BCAT1: variants seen among roughly 807,000 people sequenced by gnomAD.
BCAT1 encodes branched-chain-amino-acid aminotransferase, cytosolic.
A neutral mutation model predicts 52.4 loss-of-function variants in BCAT1; 48 were observed. That is an observed-to-expected ratio of 0.92 (90% confidence interval 0.73 to 1.16). The LOEUF is 1.16. Among genes scored for constraint, BCAT1 ranks in the 50% most tolerant of loss-of-function variants. The probability of loss-of-function intolerance (pLI) is 0.00; values close to 1 mark genes in which losing one functional copy is unlikely to be tolerated. For missense variants in BCAT1, 451 were observed against 457.1 expected, an observed-to-expected ratio of 0.99 and a Z score of 0.12; for synonymous variants, 167 against 161.3, an observed-to-expected ratio of 1.04 and a Z score of -0.27.
intron 1 of BCAT1, among the ~76,000 whole-genome samples, chr12:24,936,811 C>T (rs73063690): frequency 0.039 from 5,853 of 151,404 alleles, 124 homozygotes; most frequent in South Asian, 0.066. Flanking sequence ...CTGCTTTTGA[C>T]CCTCTGCCTC....
At chr12:24,823,675 A>G (rs963800267) in intron 10 of BCAT1, among the ~76,000 whole-genome samples, 10 of 152,010 alleles carry the variant, frequency 6.6e-5, no homozygotes, top group Admixed American at 6.6e-4. Context: ...TTAAAAAGTG[A>G]GTGGCACCTC....
chr12:24,906,992 C>T (rs762604923), intron 1 of BCAT1, among the ~76,000 whole-genome samples: 1 of 152,200 alleles, frequency 6.6e-6, no homozygotes, highest in Non-Finnish European at 1.5e-5. Context: ...GGTCAAAAAA[C>T]CTTCAAGGCT....
intron 5 of BCAT1, among the ~76,000 whole-genome samples, chr12:24,862,863 G>T (rs1394827945): frequency 6.6e-6 from 1 of 151,594 alleles, no homozygotes; most frequent in Non-Finnish European, 1.5e-5. Flanking sequence ...ATTTTGCATT[G>T]ACTGACACCC....
At chr12:24,818,181 C>T (rs559582902) in intron 10 of BCAT1, 132 bp from the exon 11 acceptor site, 3 of 803,226 alleles carry the variant, frequency 3.7e-6, no homozygotes, top group Admixed American at 2.2e-5. Flanking sequence ...TCACATTAAA[C>T]ATGTTCACAT....
At chr12:24,853,675 A>G (rs1941582431) in intron 5 of BCAT1, among the ~76,000 whole-genome samples, 1 of 152,210 alleles carries the variant, frequency 6.6e-6, no homozygotes, top group African/African-American at 2.4e-5. Context: ...AAACAACTAC[A>G]AGCAAAATCC....
intron 5 of BCAT1, among the ~76,000 whole-genome samples, chr12:24,860,679 C>T (rs1941828468): frequency 6.6e-6 from 1 of 152,166 alleles, no homozygotes; most frequent in African/African-American, 2.4e-5. Context: ...AGTTGACTTA[C>T]AGAACTGATG....
At chr12:24,929,041 A>G (rs539785458) in intron 1 of BCAT1, among the ~76,000 whole-genome samples, 2 of 152,226 alleles carry the variant, frequency 1.3e-5, no homozygotes, top group South Asian at 4.1e-4. Flanking sequence ...GATTACAGGC[A>G]TGAACCACCG....
chr12:24,871,657 C>T (rs1262549306), intron 5 of BCAT1, among the ~76,000 whole-genome samples: 1 of 151,972 alleles, frequency 6.6e-6, no homozygotes, highest in Non-Finnish European at 1.5e-5. Flanking sequence ...CTTATATGCC[C>T]CATGATGGAA....
intron 1 of BCAT1, among the ~76,000 whole-genome samples, chr12:24,948,463 C>G (rs968129816): frequency 1.3e-5 from 2 of 152,164 alleles, no homozygotes; most frequent in East Asian, 3.8e-4. Context: ...AGATCGTTCT[C>G]CCTCCCCTCT....
Position 24,949,080 on chromosome 12 carries a change from T to G in BCAT1, c.-148A>C. On this transcript the variant is annotated 5_prime_UTR_variant, in exon 1 of 11. Transcript: ENST00000261192. Reference sequence around the variant, plus strand: ...GGGCAGTGCCCGAGGCGGCGGCGAGTACACGTGGCGGGCTGGATTGCAGAC... The same window carrying G: ...GGGCAGTGCCCGAGGCGGCGGCGAGGACACGTGGCGGGCTGGATTGCAGAC... The G allele has an allele frequency of 1.4e-6, 1 of 724,444 alleles. No homozygotes were observed. The highest frequency in any genetic ancestry group is 2.3e-6 in the Non-Finnish European group (1 of 440,976). The allele number at this position is 724,444 out of a possible 1,614,324, so 44.9% of individuals were successfully genotyped here.
intron 5 of BCAT1, among the ~76,000 whole-genome samples, chr12:24,857,999 G>A (rs1014098815): frequency 2.0e-5 from 3 of 152,070 alleles, no homozygotes; most frequent in Non-Finnish European, 2.9e-5. Context: ...CAGAGGGGAT[G>A]GGCTGATTCC....
chr12:24,824,528 A>G (rs921839070), intron 10 of BCAT1, among the ~76,000 whole-genome samples: 8 of 152,040 alleles, frequency 5.3e-5, no homozygotes, highest in Non-Finnish European at 1.0e-4. Flanking sequence ...TTGAAGTACT[A>G]GCCTCAAGTA....
At chr12:24,886,072 C>T (rs1942655338) in intron 3 of BCAT1, among the ~76,000 whole-genome samples, 1 of 152,144 alleles carries the variant, frequency 6.6e-6, no homozygotes, top group Non-Finnish European at 1.5e-5. Flanking sequence ...GAACAAAAAA[C>T]TTGAACAAGT....
chr12:24,936,003 C>T (rs572278161), intron 1 of BCAT1, among the ~76,000 whole-genome samples: 84 of 152,324 alleles, frequency 5.5e-4, no homozygotes, highest in African/African-American at 1.7e-3. Flanking sequence ...TCACCAGCAG[C>T]GCCTTTAACA....
At chr12:24,831,214 G>A (rs1203768724) in intron 9 of BCAT1, among the ~76,000 whole-genome samples, 2 of 152,050 alleles carry the variant, frequency 1.3e-5, no homozygotes, top group African/African-American at 4.8e-5. Flanking sequence ...CCTTCCCCAT[G>A]ATTTTCGTAA....
At chr12:24,859,957 A>G (rs144468606) in intron 5 of BCAT1, among the ~76,000 whole-genome samples, 103 of 152,338 alleles carry the variant, frequency 6.8e-4, no homozygotes, top group Non-Finnish European at 1.1e-3. Flanking sequence ...GTGCTCCAAA[A>G]TTATGGGAAA....
At chr12:24,867,908 G>A (rs1942071886) in intron 5 of BCAT1, among the ~76,000 whole-genome samples, 1 of 152,216 alleles carries the variant, frequency 6.6e-6, no homozygotes, top group Non-Finnish European at 1.5e-5. Context: ...AGGAGGCTGA[G>A]GCAGGAGAAT....
chr12:24,901,387 T>C (rs955683708), intron 2 of BCAT1, among the ~76,000 whole-genome samples: 1 of 152,220 alleles, frequency 6.6e-6, no homozygotes, highest in Admixed American at 6.5e-5. Context: ...TATGAGCTAT[T>C]TACTATATAA....
At chr12:24,873,734 G>A (rs546797092) in intron 5 of BCAT1, among the ~76,000 whole-genome samples, 1 of 152,204 alleles carries the variant, frequency 6.6e-6, no homozygotes, top group Non-Finnish European at 1.5e-5. Flanking sequence ...GCTCCAATGA[G>A]CATTTTTAGT....
Sources: gnomAD v4.1 joint callset for allele counts (sites outside exome capture counted in the v4.1 genomes callset) on GRCh38, gnomAD v4.1.1 for gene constraint, MANE v1.5 for transcripts, NCBI Gene and HGNC (gene_info 2026-07-23, HGNC 2026-07-21) for gene names.